Variants in DNAH10 observed in about 807,000 individuals in gnomAD.
DNAH10 encodes axonemal beta dynein heavy chain 10.
DNAH10 carries 348 observed loss-of-function variants against 506.6 expected under a neutral mutation model. The ratio of observed to expected loss-of-function variants is 0.69; its 90% CI spans 0.63 to 0.75. The LOEUF is 0.75. DNAH10 is among the 30% of genes least tolerant of loss of function. DNAH10 has a pLI of 0.00. For synonymous variants in DNAH10, 2,059 were observed against 2,198.6 expected, an observed-to-expected ratio of 0.94 and a Z score of 1.78; for missense variants, 5,179 against 5,787.1, an observed-to-expected ratio of 0.89 and a Z score of 3.41.
Position 123,838,699 on chromosome 12 carries a change from C to A in DNAH10, c.5136+10C>A, listed in dbSNP as rs558004723. ...GGAGCACATGATCAAGGTCAGCCCT[C>A]TGGGTGTGCAGGGGCTCCCCGTGTA... On this transcript the variant is annotated intron_variant, in intron 29 of 78. Coordinates refer to ENST00000673944, the MANE Select transcript of DNAH10 (RefSeq NM_001372106.1). The A allele has an allele frequency of 1.9e-5, 31 of 1,611,022 alleles. No individual in the cohort carries two copies. The East Asian group carries it at 6.0e-4, about 31-fold the overall frequency.
At chr12:123,829,028 A>G (rs1219608350) in intron 25 of DNAH10, among the ~76,000 whole-genome samples, 1 of 152,176 alleles carries the variant, frequency 6.6e-6, no homozygotes, top group Non-Finnish European at 1.5e-5. Context: ...CTCTGCCCAC[A>G]TGCAGTCCAT....
intron 34 of DNAH10, among the ~76,000 whole-genome samples, chr12:123,849,868 A>G (rs1301505409): frequency 6.6e-6 from 1 of 152,220 alleles, no homozygotes; most frequent in Non-Finnish European, 1.5e-5. Flanking sequence ...GGATTCCAGT[A>G]AAGGGTCTGG....
chr12:123,926,977 C>T lies in DNAH10; in HGVS notation c.12105+157C>T, dbSNP rs149646988. 1.3e-6 allele frequency: 1 copy of T among 759,120 alleles called. No individual in the cohort carries two copies. Among genetic ancestry groups the T allele is most frequent in the East Asian group, 2.7e-5 (1 of 36,990 alleles). 47.0% of individuals were successfully genotyped at this position (759,120 alleles called of 1,614,324 possible). A position where few individuals can be genotyped will look rare whatever the true frequency, so the allele number is the denominator to read the frequency against. On this transcript the variant is annotated intron_variant, in intron 69 of 78. Transcript: ENST00000673944. The surrounding 1 kb of genome is among the most constrained non-coding windows in gnomAD (Gnocchi z 4.1). Reference sequence around the variant, plus strand: ...CAGTAATGAAACACTGGGAAGATGACAATAATAGTTATGATTTCACAACCT... The same window carrying T: ...CAGTAATGAAACACTGGGAAGATGATAATAATAGTTATGATTTCACAACCT...
rs767317921 is a variant in DNAH10, at chr12:123,934,499, C to A, written c.13478-122C>A. On this transcript the variant is annotated intron_variant, in intron 77 of 78. Transcript: ENST00000673944. ...GCTGGAGAAGGGCCTGGGCTGTCCC[C>A]AATGCGCTGGGGAGGAGGCCAGCCA... 2.4e-6 allele frequency: 3 copies of A among 1,243,240 alleles called. No homozygotes were observed. In the Admixed American group the frequency reaches 6.0e-5, roughly 25 times the overall value. The allele number at this position is 1,243,240 out of a possible 1,614,324, so 77.0% of individuals were successfully genotyped here. A position where few individuals can be genotyped will look rare whatever the true frequency, so the allele number is the denominator to read the frequency against.
At position 123,867,496 on chromosome 12, in the gene DNAH10, T is replaced by A. The variant is rs1474819713; in HGVS notation, c.7197T>A (p.Phe2399Leu). 1 of 1,613,708 alleles carries A rather than the reference T, an allele frequency of 6.2e-7. No homozygotes were observed. Among genetic ancestry groups the A allele is most frequent in the Non-Finnish European group, 8.5e-7 (1 of 1,179,846 alleles). Residue 2399 changes from phenylalanine to leucine, a missense_variant, in exon 42 of 79, where the codon TTT (phenylalanine) becomes TTA (leucine). Physicochemically the swap from Phe to Leu is conservative, Grantham distance 22 (BLOSUM62 0). Around this residue, in one of 3 missense-constraint regions of DNAH10, gnomAD observed 4,844 missense variants for 5,430.5 expected, o/e 0.89. Transcript: ENST00000673944. ...AGCAATACAATTTGAATAGTCTCTT[T>A]GAGAAGTATGTGCCCTATCTCATGG... ...KVEQYNLNSL[F>L]EKYVPYLMDV...
intron 43 of DNAH10, among the ~76,000 whole-genome samples, chr12:123,869,923 C>T (rs1336520553): frequency 2.6e-5 from 4 of 152,214 alleles, no homozygotes; most frequent in African/African-American, 9.6e-5. Context: ...GTTGTTCCTG[C>T]CCCTCTCCTG....
At position 123,894,728 on chromosome 12, in the gene DNAH10, G is replaced by A. The variant is rs1341594376; in HGVS notation, c.9280+5G>A. ...CGGTCGCAAAGTCCTTTCTAGGTAA[G>A]TCACAGCTGTTATGGGAACTGCATT... On this transcript the variant is annotated splice_donor_5th_base_variant and intron_variant, in intron 54 of 78. Coordinates refer to ENST00000673944, the MANE Select transcript of DNAH10 (RefSeq NM_001372106.1). The A allele has an allele frequency of 6.2e-7, 1 of 1,613,098 alleles. No individual in the cohort carries two copies. Among genetic ancestry groups the A allele is most frequent in the Admixed American group, 1.7e-5 (1 of 60,024 alleles).
chr12:123,765,564 T>TCTATCTATCTATC (rs1555302003), intron 1 of DNAH10, among the ~76,000 whole-genome samples: 1,815 of 149,406 alleles, frequency 0.012, 28 homozygotes, highest in African/African-American at 0.031. Flanking sequence ...TATCTATACT[T>TCTATCTATCTATC]TATCTATCTA....
chr12:123,862,903 ACT>A (rs1566010942), intron 39 of DNAH10, among the ~76,000 whole-genome samples: 3 of 152,200 alleles, frequency 2.0e-5, no homozygotes, highest in African/African-American at 7.2e-5. Flanking sequence ...TCTGCAATTG[ACT>A]CTCAAATGAT....
intron 39 of DNAH10, among the ~76,000 whole-genome samples, chr12:123,861,427 A>G (rs1951607818): frequency 1.3e-5 from 2 of 152,274 alleles, no homozygotes; most frequent in South Asian, 4.1e-4. Context: ...ACTGAGGCCT[A>G]GAAAAGGTCA....
chr12:123,847,066 G>A (rs1395910587), intron 32 of DNAH10, among the ~76,000 whole-genome samples: 1 of 151,480 alleles, frequency 6.6e-6, no homozygotes, highest in Non-Finnish European at 1.5e-5. Context: ...CTGGATGGCT[G>A]TCTGTCTGTC....
chr12:123,803,600 G>A, intron 16 of DNAH10, 61 bp from the exon 17 acceptor site: 2 of 1,416,440 alleles, frequency 1.4e-6, no homozygotes, highest in East Asian at 2.6e-5. Flanking sequence ...AGACGTTGGT[G>A]GGGGGATGTG....
intron 13 of DNAH10, among the ~76,000 whole-genome samples, chr12:123,797,544 C>G (rs908618670): frequency 6.6e-6 from 1 of 152,140 alleles, no homozygotes; most frequent in African/African-American, 2.4e-5. Context: ...AGGTGTGGGC[C>G]ACCACGCCTG....
chr12:123,823,942 G>A (rs953274015), intron 24 of DNAH10, among the ~76,000 whole-genome samples: 1 of 152,080 alleles, frequency 6.6e-6, no homozygotes, highest in Non-Finnish European at 1.5e-5. Flanking sequence ...CTGGTCTGTG[G>A]ATGTTAAGGG....
chr12:123,867,207 T>C (rs142441085), intron 41 of DNAH10, among the ~76,000 whole-genome samples: 1 of 152,292 alleles, frequency 6.6e-6, no homozygotes, highest in Non-Finnish European at 1.5e-5. Context: ...TGGGACCTGT[T>C]ATCTTCCCTT....
chr12:123,853,382 G>T lies in DNAH10; in HGVS notation c.6438+30G>T. The T allele has an allele frequency of 6.3e-7, 1 of 1,599,890 alleles. No individual in the cohort carries two copies. The highest frequency in any genetic ancestry group is 8.5e-7 in the Non-Finnish European group (1 of 1,172,868). On this transcript the variant is annotated intron_variant, in intron 36 of 78. Transcript: ENST00000673944. The surrounding 1 kb of genome is among the most constrained non-coding windows in gnomAD (Gnocchi z 4.7). Reference sequence around the variant, plus strand: ...GGGCCACGTGCTGGAACATTCTCTGGTTTCAGCTGCTTCAGGCATTTACTA... The same window carrying T: ...GGGCCACGTGCTGGAACATTCTCTGTTTTCAGCTGCTTCAGGCATTTACTA...
At chr12:123,815,062 C>A (rs190060224) in intron 21 of DNAH10, among the ~76,000 whole-genome samples, 11,274 of 152,168 alleles carry the variant, frequency 0.074, 723 homozygotes, top group African/African-American at 0.17. Context: ...CCAACAACAA[C>A]AACAACAAAA....
intron 9 of DNAH10, 105 bp downstream of exon 9, chr12:123,786,041 C>A: frequency 7.9e-7 from 1 of 1,265,366 alleles, no homozygotes; most frequent in Non-Finnish European, 1.1e-6. Context: ...AATTCTCTTA[C>A]TTAAAATGTA....
At chr12:123,809,007 G>A (rs942905629) in intron 19 of DNAH10, 54 bp downstream of exon 19, 5 of 1,599,088 alleles carry the variant, frequency 3.1e-6, no homozygotes, top group Non-Finnish European at 4.3e-6. Context: ...GGATGCCTCC[G>A]CCTCCCAAAG....
Sources: allele counts gnomAD v4.1 joint callset (sites outside exome capture counted in the v4.1 genomes callset), GRCh38; gene constraint gnomAD v4.1.1; regional missense constraint gnomAD v4.1.1; non-coding constraint Gnocchi (gnomAD v3.1); transcripts MANE v1.5; gene names NCBI Gene and HGNC (gene_info 2026-07-23, HGNC 2026-07-21).